Variants in ALS2 observed in about 807,000 individuals in gnomAD.
ALS2 encodes alsin.
In ALS2, 117 loss-of-function variants were observed where a neutral mutation model predicts 203.4. That is an observed-to-expected ratio of 0.58 (90% CI 0.50 to 0.67). The LOEUF (loss-of-function observed/expected upper bound fraction) is 0.67. ALS2 is among the 30% of genes least tolerant of loss of function. ALS2 has a pLI of 0.00. For synonymous variants in ALS2, 718 were observed against 725.9 expected (o/e 0.99, Z 0.17); for missense variants, 1,715 against 1,989.4 (o/e 0.86, Z 2.62).
intron 8 of ALS2, among the ~76,000 whole-genome samples, chr2:201,748,476 A>T (rs1225155130): frequency 6.6e-6 from 1 of 152,212 alleles, no homozygotes; most frequent in East Asian, 1.9e-4. Context: ...GCTCCCAATG[A>T]TGTCGGAGAG....
At chr2:201,715,608 T>C (rs544416861) in intron 25 of ALS2, 64 bp downstream of exon 25, 9 of 1,586,826 alleles carry the variant, frequency 5.7e-6, no homozygotes, top group African/African-American at 1.3e-5. Flanking sequence ...CCTTGACTAC[T>C]TACTGGTCTT....
rs374292103 is a variant in ALS2, at chr2:201,733,995, T to A, written c.2418-557A>T. On this transcript the variant is annotated intron_variant, in intron 12 of 33. Transcript: ENST00000264276. The stretch of plus-strand genomic sequence containing the variant: ...TAGTATTACAGTTAACAAGAAACAA[T>A]AAAGATGATTATATGTGAAGATTTC... Among the ~76,000 whole-genome samples, 4 of 152,046 alleles carry A rather than the reference T, an allele frequency of 2.6e-5. No homozygotes were observed. In the East Asian group the frequency reaches 7.7e-4, roughly 29 times the overall value.
At chr2:201,729,897 A>AAC (rs1691445214) in intron 13 of ALS2, among the ~76,000 whole-genome samples, 1 of 150,088 alleles carries the variant, frequency 6.7e-6, no homozygotes, top group African/African-American at 2.5e-5. Context: ...AAAAAAAAAA[A>AAC]AAAAAACAAC....
chr2:201,740,629 A>G (rs1203306128), intron 11 of ALS2, among the ~76,000 whole-genome samples: 1 of 152,168 alleles, frequency 6.6e-6, no homozygotes, highest in East Asian at 1.9e-4. Context: ...AAATACTCAA[A>G]CCAGGGTACT....
chr2:201,729,134 C>T lies in ALS2; in HGVS notation c.2630G>A (p.Cys877Tyr), dbSNP rs1691380417. Residue 877 changes from cysteine to tyrosine, a missense_variant, in exon 14 of 34, where the codon TGT becomes TAT. Physicochemically the swap from Cys to Tyr is radical, Grantham distance 194. Transcript: ENST00000264276. ...TTTCCTGCCGAGATGGAGAGCAAGA[C>T]ACTCATAACAAGAACTGGAATCCTG... The part of the protein sequence containing the change: ...KLQDSSSCYE[C>Y]LALHLGRKRK... 6.2e-7 allele frequency: 1 copy of T among 1,613,376 alleles called. No homozygotes were observed. The highest frequency in any genetic ancestry group is 8.5e-7 in the Non-Finnish European group (1 of 1,179,906).
intron 25 of ALS2, among the ~76,000 whole-genome samples, chr2:201,714,609 A>T (rs1409881097): frequency 1.3e-5 from 2 of 152,214 alleles, no homozygotes; most frequent in African/African-American, 2.4e-5. Context: ...AAATCACTGA[A>T]TGTGTAAGTG....
Position 201,709,965 on chromosome 2 carries a change from A to G in ALS2, c.4196T>C (p.Val1399Ala). The change falls in exon 27 of 34, where the codon GTG becomes GCG. Residue 1399 changes from valine (V) to alanine (A), a missense_variant. Physicochemically the swap from Val to Ala is moderately conservative, Grantham distance 64. This residue lies in a region of ALS2 where 1,227 missense variants were observed against 1,413.5 expected (regional missense o/e 0.87). Transcript: ENST00000264276. Reference protein sequence around the residue: ...TLVAVYRMTYVGVGANRRLLQ... With the variant: ...TLVAVYRMTYAGVGANRRLLQ... The stretch of plus-strand genomic sequence containing the variant: ...TAACCTGCGGTTGGCTCCTACGCCC[A>G]CGTATGTCATTCTATACACTGCAAC... 1 of 1,614,106 alleles carries G rather than the reference A, an allele frequency of 6.2e-7. No individual in the cohort carries two copies. The highest frequency in any genetic ancestry group is 8.5e-7 in the Non-Finnish European group (1 of 1,179,960).
chr2:201,710,620 C>A (rs900428601), intron 26 of ALS2, among the ~76,000 whole-genome samples: 1 of 152,128 alleles, frequency 6.6e-6, no homozygotes, highest in African/African-American at 2.4e-5. Flanking sequence ...ATATACATCA[C>A]ACTTTAAATT....
intron 11 of ALS2, among the ~76,000 whole-genome samples, chr2:201,739,773 A>C (rs1449967816): frequency 4.0e-5 from 6 of 151,818 alleles, no homozygotes; most frequent in Non-Finnish European, 8.8e-5. Context: ...AAGAAATGAC[A>C]GTGAAGGTAA....
chr2:201,777,934 T>G (rs1694730235), intron 1 of ALS2, among the ~76,000 whole-genome samples: 1 of 152,176 alleles, frequency 6.6e-6, no homozygotes, highest in Non-Finnish European at 1.5e-5. Flanking sequence ...AATAAACCAG[T>G]TTATCCATTT....
chr2:201,751,568 CT>C (rs1693062729), intron 7 of ALS2, among the ~76,000 whole-genome samples: 1 of 152,164 alleles, frequency 6.6e-6, no homozygotes, highest in South Asian at 2.1e-4. Context: ...TGCAGCAACA[CT>C]TTATCACATA....
chr2:201,738,877 G>T, intron 11 of ALS2, 142 bp from the exon 12 acceptor site: 1 of 736,552 alleles, frequency 1.4e-6, no homozygotes, highest in Non-Finnish European at 2.4e-6. Flanking sequence ...ATTTGTGAAG[G>T]GCAGGTTGTG....
chr2:201,732,167 AATGTAGAAAGCCT>A (rs1456273780), intron 13 of ALS2, among the ~76,000 whole-genome samples: 2 of 152,140 alleles, frequency 1.3e-5, no homozygotes, highest in Non-Finnish European at 2.9e-5. Context: ...AGCAGGCTCA[AATGTAGAAAGCCT>A]ACATCAATCA....
rs539698489 is a variant in ALS2 at position 201,774,001 on chromosome 2, A to G, written c.-60-5056T>C. 1.4e-4 allele frequency among the ~76,000 whole-genome samples: 22 copies of G among 152,384 alleles called. No homozygotes were observed. In the South Asian group the frequency reaches 2.7e-3, roughly 19 times the overall value. ...GTGGTTTGTTTGGGCACTGAAAACC[A>G]GATTGAAGTAAGCTGAATATAAACA... On this transcript the variant is annotated intron_variant, in intron 1 of 33. Transcript: ENST00000264276.
intron 16 of ALS2, 120 bp downstream of exon 16, chr2:201,727,585 C>A (rs543006816): frequency 4.5e-6 from 4 of 885,374 alleles, no homozygotes; most frequent in Non-Finnish European, 7.3e-6. Flanking sequence ...AGAGGTGGGC[C>A]TCATTATACA....
At chr2:201,719,456 G>A (rs1035952305) in intron 23 of ALS2, among the ~76,000 whole-genome samples, 2 of 152,224 alleles carry the variant, frequency 1.3e-5, no homozygotes, top group African/African-American at 4.8e-5. Flanking sequence ...GGGCACGGTG[G>A]CACGTGCCTG....
In ALS2 at chr2:201,724,962, A is replaced by G. The variant is rs1356792674; in HGVS notation, c.3347+394T>C. Reference sequence around the variant, plus strand: ...CCCTGTCTCTACTAAAAATACAAAAAATTAGCCGGGTGTGGTGGCGGGCGC... The same window carrying G: ...CCCTGTCTCTACTAAAAATACAAAAGATTAGCCGGGTGTGGTGGCGGGCGC... On this transcript the variant is annotated intron_variant, in intron 20 of 33. Transcript: ENST00000264276. Among the ~76,000 whole-genome samples, 10 of 152,022 alleles carry G rather than the reference A, an allele frequency of 6.6e-5. No homozygotes were observed. In the East Asian group the frequency reaches 1.7e-3, roughly 27 times the overall value.
At chr2:201,750,128 T>G (rs556631669) in intron 7 of ALS2, among the ~76,000 whole-genome samples, 1 of 149,938 alleles carries the variant, frequency 6.7e-6, no homozygotes, top group East Asian at 2.0e-4. Flanking sequence ...ATCATGCCAC[T>G]GCATTCCAGC....
intron 8 of ALS2, among the ~76,000 whole-genome samples, chr2:201,747,983 G>C (rs1692781577): frequency 6.6e-6 from 1 of 152,166 alleles, no homozygotes; most frequent in Admixed American, 6.5e-5. Flanking sequence ...TTTGGAGAAA[G>C]TGTGTTACTG....
Sources: allele counts gnomAD v4.1 joint callset (sites outside exome capture counted in the v4.1 genomes callset), GRCh38; gene constraint gnomAD v4.1.1; regional missense constraint gnomAD v4.1.1; transcripts MANE v1.5; gene names NCBI Gene and HGNC (gene_info 2026-07-23, HGNC 2026-07-21).